The following CHODL variants were observed in gnomAD, a reference collection of about 807,000 sequenced individuals.
The protein encoded by CHODL is transmembrane protein MT75.
Under a neutral mutation model 34.5 loss-of-function variants are expected in CHODL, and 29 were observed. The observed-to-expected ratio is 0.84, with a 90% CI of 0.63 to 1.15. The LOEUF (loss-of-function observed/expected upper bound fraction) is 1.15. CHODL is among the 50% of genes most tolerant of loss of function. The pLI, the probability that CHODL is intolerant of heterozygous loss-of-function variation, is 0.00. For missense variants in CHODL, 332 were observed against 332.5 expected, an observed-to-expected ratio of 1.00 and a Z score of 0.01; for synonymous variants, 125 against 116.1, an observed-to-expected ratio of 1.08 and a Z score of -0.49.
At chr21:18,264,958 G>A (rs917121172) in intron 5 of CHODL, among the ~76,000 whole-genome samples, 5 of 152,006 alleles carry the variant, frequency 3.3e-5, no homozygotes, top group African/African-American at 1.2e-4. Flanking sequence ...TAGTATAATA[G>A]CATTGTTTTG....
At chr21:18,228,314 C>T (rs978226672) in intron 2 of CHODL, among the ~76,000 whole-genome samples, 31 of 152,064 alleles carry the variant, frequency 2.0e-4, no homozygotes, top group African/African-American at 2.7e-4. Flanking sequence ...GCCATGTCTA[C>T]GTACTAATAA....
intron 1 of CHODL, among the ~76,000 whole-genome samples, chr21:17,957,189 A>G (rs772724566): frequency 1.3e-5 from 2 of 152,270 alleles, no homozygotes; most frequent in Admixed American, 6.5e-5. Flanking sequence ...TGCCTCTTAG[A>G]TATCTCTGGA....
chr21:18,058,898 T>C (rs1285466522), intron 2 of CHODL, among the ~76,000 whole-genome samples: 1 of 152,098 alleles, frequency 6.6e-6, no homozygotes, highest in East Asian at 1.9e-4. Flanking sequence ...TTTTTCCCCT[T>C]GTTTTGTACT....
At chr21:17,927,270 T>C (rs772394377) in intron 1 of CHODL, among the ~76,000 whole-genome samples, 12 of 151,080 alleles carry the variant, frequency 7.9e-5, no homozygotes, top group African/African-American at 1.2e-4. Flanking sequence ...AATAGGGAAA[T>C]GAGAGGGAGT....
intron 2 of CHODL, among the ~76,000 whole-genome samples, chr21:18,116,159 T>A (rs754239026): frequency 1.3e-5 from 2 of 152,206 alleles, no homozygotes; most frequent in Non-Finnish European, 2.9e-5. Context: ...AATGATCTAA[T>A]CTTCTCATGG....
rs868202627 is a variant in CHODL, at chr21:18,024,238, T to C, written c.-144-3634T>C. On this transcript the variant is annotated intron_variant, in intron 1 of 6. Coordinates refer to the CHODL transcript ENST00000400127. ...TATATTTTGGAAATCCTTCTAACCA[T>C]GATAATAAAGACGAGGTCTCACTTG... is the stretch of plus-strand genomic sequence containing the variant. Among the ~76,000 whole-genome samples, 210 of 152,356 alleles carry C rather than the reference T, an allele frequency of 1.4e-3. 1 individual carries two copies. The highest frequency in any genetic ancestry group is 4.6e-3 in the African/African-American group (193 of 41,590).
At chr21:18,019,154 T>C (rs942021099) in intron 1 of CHODL, among the ~76,000 whole-genome samples, 1 of 152,248 alleles carries the variant, frequency 6.6e-6, no homozygotes, top group African/African-American at 2.4e-5. Context: ...TATTAAGATA[T>C]CAAAAATGCT....
At chr21:18,260,103 G>A (rs1223007948) in intron 3 of CHODL, 97 bp from the exon 4 acceptor site, 2 of 405,168 alleles carry the variant, frequency 4.9e-6, no homozygotes, top group Non-Finnish European at 8.0e-6. Context: ...AATCAAAATT[G>A]TGATGTTTTT....
chr21:18,245,407 T>G, intron 1 of CHODL, 105 bp downstream of exon 1: 2 of 948,814 alleles, frequency 2.1e-6, no homozygotes, highest in Non-Finnish European at 3.0e-6. Flanking sequence ...GTTGGAAACC[T>G]GCATGGTGTA....
At chr21:18,072,423 C>A (rs1229628522) in intron 2 of CHODL, among the ~76,000 whole-genome samples, 1 of 152,064 alleles carries the variant, frequency 6.6e-6, no homozygotes, top group Non-Finnish European at 1.5e-5. Context: ...TCCCATCCCT[C>A]CCCTTTGTTA....
intron 4 of CHODL, among the ~76,000 whole-genome samples, chr21:18,261,055 A>G (rs189233392): frequency 1.3e-5 from 2 of 152,216 alleles, no homozygotes; most frequent in East Asian, 1.9e-4. Context: ...CAGATACCCT[A>G]TTGCTCATGA....
chr21:18,021,412 A>G (rs2064126580), intron 1 of CHODL, among the ~76,000 whole-genome samples: 1 of 152,236 alleles, frequency 6.6e-6, no homozygotes, highest in Admixed American at 6.5e-5. Context: ...TTCTGATTCC[A>G]ACTCTAGTCT....
chr21:18,127,428 A>T (rs2146587632), intron 2 of CHODL, among the ~76,000 whole-genome samples: 1 of 152,312 alleles, frequency 6.6e-6, no homozygotes, highest in Admixed American at 6.5e-5. Context: ...GCCTGGATCC[A>T]TTGGTCATGT....
chr21:18,168,981 G>A (rs1215121572), intron 2 of CHODL, among the ~76,000 whole-genome samples: 1 of 151,900 alleles, frequency 6.6e-6, no homozygotes, highest in Non-Finnish European at 1.5e-5. Context: ...TTTTACTTGT[G>A]GATATCTAGT....
chr21:18,051,419 T>C (rs763471874), intron 2 of CHODL, among the ~76,000 whole-genome samples: 15 of 150,346 alleles, frequency 1.0e-4, no homozygotes, highest in Non-Finnish European at 1.9e-4. Flanking sequence ...TTTTTTTTTA[T>C]TTTTTCCGTA....
At chr21:18,003,757 T>C (rs158075) in intron 1 of CHODL, among the ~76,000 whole-genome samples, 4,464 of 152,298 alleles carry the variant, frequency 0.029, 190 homozygotes, top group African/African-American at 0.1. Context: ...GACTGAGACC[T>C]AGAACCCAAG....
chr21:18,146,901 C>T (rs2072897428), intron 2 of CHODL, among the ~76,000 whole-genome samples: 1 of 152,144 alleles, frequency 6.6e-6, no homozygotes, highest in Non-Finnish European at 1.5e-5. Flanking sequence ...TTTGATCAAA[C>T]CTGAAATGTC....
intron 2 of CHODL, among the ~76,000 whole-genome samples, chr21:18,154,893 A>G (rs2073015484): frequency 6.6e-6 from 1 of 152,178 alleles, no homozygotes; most frequent in South Asian, 2.1e-4. Flanking sequence ...GTATAAGATG[A>G]TGGAGATATG....
Position 18,254,883 on chromosome 21 carries a change from A to G in CHODL, c.80-1626A>G, listed in dbSNP as rs534949687. ...ATTTAATTTTGAGATTTTTTTTTCA[A>G]ACTCTTTTTGCCTATGTGTTTAAGA... is the stretch of plus-strand genomic sequence containing the variant. On this transcript the variant is annotated intron_variant, in intron 1 of 5. Transcript: ENST00000299295. 5.1e-4 allele frequency among the ~76,000 whole-genome samples: 77 copies of G among 152,178 alleles called. 2 individuals carry two copies. Among genetic ancestry groups the G allele is most frequent in the Non-Finnish European group, 7.4e-4 (50 of 67,972 alleles).
Sources: gnomAD v4.1 joint callset for allele counts (sites outside exome capture counted in the v4.1 genomes callset) on GRCh38, gnomAD v4.1.1 for gene constraint, MANE v1.5 for transcripts, NCBI Gene and HGNC (gene_info 2026-07-23, HGNC 2026-07-21) for gene names.